The following SPMIP4 variants were observed in gnomAD, a reference collection of about 807,000 sequenced individuals.
SPMIP4 encodes sperm microtubule inner protein 4.
the SPMIP4 span, chr7:25,168,346 G>A: frequency 6.2e-7 from 1 of 1,612,476 alleles, no homozygotes; most frequent in African/African-American, 1.3e-5. Context: ...CATGACACGA[G>A]GAGGCTCATA....
chr7:25,146,008 C>A, the SPMIP4 span, among the ~76,000 whole-genome samples: 1 of 151,962 alleles, frequency 6.6e-6, no homozygotes, highest in Admixed American at 6.5e-5. Context: ...ACTGTGGAGA[C>A]CACATTGCCA....
the SPMIP4 span, among the ~76,000 whole-genome samples, chr7:25,147,692 T>C: frequency 2.6e-5 from 4 of 151,216 alleles, no homozygotes; most frequent in African/African-American, 9.7e-5. Context: ...TTTCCAAGGT[T>C]ACCCATTTCT....
At chr7:25,154,821 A>G in the SPMIP4 span, among the ~76,000 whole-genome samples, 39 of 152,324 alleles carry the variant, frequency 2.6e-4, no homozygotes, top group African/African-American at 9.4e-4. Context: ...GCACCTGCAG[A>G]GAGTCTGATT....
At chr7:25,154,860 A>C in the SPMIP4 span, 28 of 708,898 alleles carry the variant, frequency 3.9e-5, no homozygotes, top group Non-Finnish European at 4.5e-6. Context: ...GCGCCAGCTG[A>C]TTTGTAAAGT....
chr7:25,168,556 T>C, the SPMIP4 span: 1 of 1,070,192 alleles, frequency 9.3e-7, no homozygotes, highest in Non-Finnish European at 1.3e-6. Context: ...TACCACTTCA[T>C]AAGTATTTTC....
At chr7:25,142,704 T>C in the SPMIP4 span, 1 of 1,613,336 alleles carries the variant, frequency 6.2e-7, no homozygotes, top group Non-Finnish European at 8.5e-7. Flanking sequence ...GTATGTTGGC[T>C]TCTTTGGCAG....
the SPMIP4 span, chr7:25,125,862 C>T: frequency 2.1e-6 from 2 of 968,596 alleles, no homozygotes; most frequent in Non-Finnish European, 2.5e-6. Flanking sequence ...TGACCTTGTT[C>T]TAGTTCCACC....
the SPMIP4 span, among the ~76,000 whole-genome samples, chr7:25,146,690 C>G: frequency 6.6e-6 from 1 of 152,160 alleles, no homozygotes; most frequent in African/African-American, 2.4e-5. Context: ...CAAAGGGAAG[C>G]CAAGGGTCTG....
chr7:25,142,759 G>A, the SPMIP4 span: 11 of 1,590,630 alleles, frequency 6.9e-6, no homozygotes, highest in Non-Finnish European at 9.4e-6. Context: ...AGGAGCGAAG[G>A]TTTTAGGAGG....
chr7:25,151,089 C>CT, the SPMIP4 span, among the ~76,000 whole-genome samples: 6 of 151,298 alleles, frequency 4.0e-5, no homozygotes, highest in South Asian at 2.1e-4. Context: ...TGGGGGCAAT[C>CT]TTTTTTTTTG....
chr7:25,135,485 G>C, the SPMIP4 span: 2 of 985,800 alleles, frequency 2.0e-6, no homozygotes, highest in Non-Finnish European at 2.4e-6. Context: ...CAATTAACTA[G>C]GTGTTTGGGT....
chr7:25,134,219 C>T, the SPMIP4 span, among the ~76,000 whole-genome samples: 41 of 151,590 alleles, frequency 2.7e-4, no homozygotes, highest in African/African-American at 9.2e-4. Context: ...AAGATTGTAC[C>T]ATTGCATTCC....
the SPMIP4 span, among the ~76,000 whole-genome samples, chr7:25,148,338 C>T: frequency 1.3e-5 from 2 of 151,866 alleles, no homozygotes; most frequent in African/African-American, 4.9e-5. Context: ...ACTTAGGAGG[C>T]TGAAGCAGGA....
the SPMIP4 span, among the ~76,000 whole-genome samples, chr7:25,165,645 G>A: frequency 1.2e-3 from 180 of 152,178 alleles, 2 homozygotes; most frequent in Non-Finnish European, 4.4e-4. Context: ...GCCGCGCCTG[G>A]CCGCATTTTC....
the SPMIP4 span, among the ~76,000 whole-genome samples, chr7:25,163,004 G>A: frequency 5.9e-3 from 901 of 152,104 alleles, 6 homozygotes; most frequent in African/African-American, 0.021. The surrounding 1 kb of genome is among the most constrained non-coding windows in gnomAD (Gnocchi z 4.4). Flanking sequence ...CAGGTGGTCC[G>A]CCCACCTCAG....
chr7:25,160,456 G>A, the SPMIP4 span, among the ~76,000 whole-genome samples: 4 of 151,862 alleles, frequency 2.6e-5, no homozygotes, highest in East Asian at 1.9e-4. Context: ...CTGCCATCAC[G>A]CCCAGCTAAT....
At chr7:25,129,462 G>A in the SPMIP4 span, among the ~76,000 whole-genome samples, 12 of 152,148 alleles carry the variant, frequency 7.9e-5, no homozygotes, top group African/African-American at 2.4e-4. Flanking sequence ...TGTCCCTTCC[G>A]CAAGCACACT....
the SPMIP4 span, among the ~76,000 whole-genome samples, chr7:25,152,748 CT>C: frequency 3.1e-3 from 374 of 120,362 alleles, no homozygotes; most frequent in African/African-American, 7.1e-3. Context: ...CGTTGTCTCT[CT>C]TTTTTTTTTT....
the SPMIP4 span, among the ~76,000 whole-genome samples, chr7:25,167,921 G>A: frequency 6.6e-6 from 1 of 152,156 alleles, no homozygotes; most frequent in Non-Finnish European, 1.5e-5. Context: ...GTAGATTCTA[G>A]TGACTATCAA....
Sources: allele counts gnomAD v4.1 joint callset (sites outside exome capture counted in the v4.1 genomes callset), GRCh38; gene constraint gnomAD v4.1.1; non-coding constraint Gnocchi (gnomAD v3.1); transcripts MANE v1.5; gene names NCBI Gene and HGNC (gene_info 2026-07-23, HGNC 2026-07-21).